KALRN: variants seen among roughly 807,000 people sequenced by gnomAD.
The protein encoded by KALRN is kalirin RhoGEF kinase.
Under a neutral mutation model 353.7 loss-of-function variants are expected in KALRN, and 70 were observed. That is an observed-to-expected ratio of 0.20 (90% confidence interval 0.16 to 0.24). The LOEUF (loss-of-function observed/expected upper bound fraction) is 0.24, where lower values mean the gene tolerates loss of function less well. Among genes scored for constraint, KALRN ranks in the 10% least tolerant of loss-of-function variants. KALRN has a pLI of 1.00. For synonymous variants in KALRN, 1,391 were observed against 1,434.8 expected (o/e 0.97, Z 0.69); for missense variants, 2,791 against 3,756.7 (o/e 0.74, Z 6.72).
intron 33 of KALRN, among the ~76,000 whole-genome samples, chr3:124,510,522 T>G (rs895519618): frequency 1.8e-5 from 2 of 110,556 alleles, no homozygotes; most frequent in African/African-American, 7.2e-5. Flanking sequence ...ATGCTGAGGG[T>G]TTTTTTTTTG....
At chr3:124,246,702 C>T (rs551911606) in intron 3 of KALRN, among the ~76,000 whole-genome samples, 17 of 152,302 alleles carry the variant, frequency 1.1e-4, no homozygotes, top group Non-Finnish European at 2.2e-4. Flanking sequence ...GTCTATGGCT[C>T]ACCAAGAGCA....
chr3:124,669,299 AC>A (rs1364004605), intron 47 of KALRN, among the ~76,000 whole-genome samples: 1 of 152,224 alleles, frequency 6.6e-6, no homozygotes, highest in Non-Finnish European at 1.5e-5. Flanking sequence ...CTCCCTAGCA[AC>A]CAAAGTGAAG....
At chr3:124,152,176 G>GTGTTAT in intron 1 of KALRN, 1 of 1,528,672 alleles carries the variant, frequency 6.5e-7, no homozygotes, top group Non-Finnish European at 8.9e-7. Flanking sequence ...AACAATCAAA[G>GTGTTAT]TGTTATCTGT....
At chr3:124,227,506 C>A (rs16835196) in intron 1 of KALRN, among the ~76,000 whole-genome samples, 24,141 of 151,972 alleles carry the variant, frequency 0.16, 3,464 homozygotes, top group East Asian at 0.64. Flanking sequence ...AAGAAGGATT[C>A]TTTAGGACTT....
intron 5 of KALRN, among the ~76,000 whole-genome samples, chr3:124,288,201 T>C (rs1271304185): frequency 2.6e-5 from 4 of 152,130 alleles, no homozygotes; most frequent in Admixed American, 6.5e-5. Flanking sequence ...TAAGAAAACA[T>C]TTCAGATAGT....
At chr3:124,553,960 CTT>C (rs2070880158) in intron 33 of KALRN, among the ~76,000 whole-genome samples, 1 of 152,262 alleles carries the variant, frequency 6.6e-6, no homozygotes, top group Non-Finnish European at 1.5e-5. Flanking sequence ...ACTACTGCCT[CTT>C]CTTTCCCCGA....
At chr3:124,584,845 C>T in intron 34 of KALRN, 1 of 1,606,320 alleles carries the variant, frequency 6.2e-7, no homozygotes, top group Non-Finnish European at 8.5e-7. Flanking sequence ...ACAGGGCTTA[C>T]ACCCGAGGTC....
intron 34 of KALRN, among the ~76,000 whole-genome samples, chr3:124,625,162 A>G (rs1223770784): frequency 1.3e-5 from 2 of 152,206 alleles, no homozygotes. Context: ...CTTATGAGAT[A>G]GGTTCTAATA....
intron 13 of KALRN, among the ~76,000 whole-genome samples, chr3:124,406,269 T>G (rs111507003): frequency 3.9e-5 from 6 of 152,226 alleles, no homozygotes; most frequent in African/African-American, 1.4e-4. Context: ...TATGATAACT[T>G]TAAAATAATC....
In KALRN at chr3:124,495,983, A is replaced by ATG. The variant is rs1561136538; in HGVS notation, c.4833-327_4833-326insGT. 7.8e-4 allele frequency among the ~76,000 whole-genome samples: 36 copies of ATG among 46,176 alleles called. 3 individuals carry two copies. The East Asian group carries it at 0.014, about 18-fold the overall frequency. 30.3% of individuals were successfully genotyped at this position (46,176 alleles called of 152,430 possible). A position where few individuals can be genotyped will look rare whatever the true frequency, so the allele number is the denominator to read the frequency against. ...TATGTATGTATATATATATATATAT[A>ATG]TATATATATATATATATATATATAT... On this transcript the variant is annotated intron_variant, in intron 32 of 59. Transcript: ENST00000682506.
intron 13 of KALRN, among the ~76,000 whole-genome samples, chr3:124,411,280 C>A (rs932465220): frequency 6.6e-6 from 1 of 151,872 alleles, no homozygotes; most frequent in South Asian, 2.1e-4. Flanking sequence ...TTGGCGATGA[C>A]TACATGGGTG....
At chr3:124,215,590 C>CA in intron 1 of KALRN, among the ~76,000 whole-genome samples, 1 of 152,300 alleles carries the variant, frequency 6.6e-6, no homozygotes, top group East Asian at 1.9e-4. Context: ...TTAATCATTA[C>CA]AACAGCCTAT....
At chr3:124,164,772 C>T (rs139116460) in intron 1 of KALRN, 34 of 152,240 alleles carry the variant, frequency 2.2e-4, no homozygotes, top group African/African-American at 8.2e-4. Flanking sequence ...TGATCTTTCA[C>T]TATCTAATTA....
chr3:124,389,581 A>G (rs1033461033), intron 11 of KALRN, among the ~76,000 whole-genome samples: 1 of 152,252 alleles, frequency 6.6e-6, no homozygotes, highest in Non-Finnish European at 1.5e-5. Context: ...GAGACCATCT[A>G]AATGTTTCAC....
At chr3:124,515,831 A>G (rs2066480947) in intron 33 of KALRN, among the ~76,000 whole-genome samples, 1 of 152,210 alleles carries the variant, frequency 6.6e-6, no homozygotes, top group Non-Finnish European at 1.5e-5. Context: ...TATCATTTTT[A>G]AAGTTAAGAG....
In KALRN at chr3:124,702,028, T is replaced by C; in HGVS notation, c.7997-10T>C. On this transcript the variant is annotated splice_polypyrimidine_tract_variant and intron_variant, in intron 56 of 59. Transcript: ENST00000682506. ...CTCGATATTGTAAATGGATTCTCTTTCTTCCGAAGATGCTGCTGCTGATGG... is the reference window on the plus strand; with the variant it reads ...CTCGATATTGTAAATGGATTCTCTTCCTTCCGAAGATGCTGCTGCTGATGG... 6.2e-7 allele frequency: 1 copy of C among 1,610,816 alleles called. No individual in the cohort carries two copies. The highest frequency in any genetic ancestry group is 8.5e-7 in the Non-Finnish European group (1 of 1,177,324).
intron 1 of KALRN, among the ~76,000 whole-genome samples, chr3:124,066,377 G>A (rs2149243246): frequency 6.6e-6 from 1 of 152,286 alleles, no homozygotes; most frequent in South Asian, 2.1e-4. Flanking sequence ...ATTGTTCAAA[G>A]ATGACACTAG....
At chr3:124,407,405 T>C (rs972332614) in intron 13 of KALRN, among the ~76,000 whole-genome samples, 1 of 152,168 alleles carries the variant, frequency 6.6e-6, no homozygotes, top group African/African-American at 2.4e-5. Context: ...GATTTGTTAC[T>C]GAGTCATATT....
chr3:124,644,497 C>T (rs947553533), intron 37 of KALRN, among the ~76,000 whole-genome samples: 2 of 151,926 alleles, frequency 1.3e-5, no homozygotes, highest in Admixed American at 6.6e-5. Context: ...CCCAGACAGG[C>T]CCCAGTGTGT....
Sources: allele counts gnomAD v4.1 joint callset (sites outside exome capture counted in the v4.1 genomes callset), GRCh38; gene constraint gnomAD v4.1.1; transcripts MANE v1.5; gene names NCBI Gene and HGNC (gene_info 2026-07-23, HGNC 2026-07-21).